Variants in NETO2 observed in about 807,000 individuals in gnomAD.
The protein encoded by NETO2 is neuropilin and tolloid-like protein 2.
NETO2 carries 28 observed loss-of-function variants against 62.5 expected under a neutral mutation model. The ratio of observed to expected loss-of-function variants is 0.45; its 90% CI spans 0.33 to 0.61. NETO2 has a LOEUF of 0.61. NETO2 is among the 20% of genes least tolerant of loss of function. The probability of loss-of-function intolerance (pLI) is 0.02; values close to 1 mark genes in which losing one functional copy is unlikely to be tolerated. For missense variants in NETO2, 548 were observed against 643.2 expected (o/e 0.85, Z 1.60); for synonymous variants, 214 against 219.1 (o/e 0.98, Z 0.21).
intron 1 of NETO2, among the ~76,000 whole-genome samples, chr16:47,135,979 C>T (rs1160642512): frequency 3.9e-5 from 6 of 151,954 alleles, no homozygotes; most frequent in Admixed American, 3.9e-4. Flanking sequence ...TAAAACAGAG[C>T]AGTAACATGT....
intron 1 of NETO2, among the ~76,000 whole-genome samples, chr16:47,140,462 C>A (rs1964439782): frequency 6.6e-6 from 1 of 152,096 alleles, no homozygotes; most frequent in Non-Finnish European, 1.5e-5. Flanking sequence ...TATCATTTTT[C>A]TATCTTTTCT....
chr16:47,133,994 C>CA lies in NETO2; in HGVS notation c.35-1970dup, dbSNP rs140698303. On this transcript the variant is annotated intron_variant, in intron 1 of 8. Coordinates refer to ENST00000562435, the MANE Select transcript of NETO2 (RefSeq NM_018092.5). Reference sequence around the variant, plus strand: ...CATGTTTGCATTACCATCTTTGAAGCAGAGTGGTAGCAGTGGAAAGGGAAA... The same window carrying CA: ...CATGTTTGCATTACCATCTTTGAAGCAAGAGTGGTAGCAGTGGAAAGGGAAA... Among the ~76,000 whole-genome samples, 1,479 of 152,156 alleles carry CA rather than the reference C, an allele frequency of 9.7e-3. 21 individuals carry two copies. The highest frequency in any genetic ancestry group is 0.034 in the African/African-American group (1,410 of 41,502).
chr16:47,128,512 A>C lies in NETO2; in HGVS notation c.294T>G (p.Phe98Leu). ...FDEHYYIEPS[F>L]ECRFDHLEVR... ...CTTCCAAGTGATCAAACCGACACTC[A>C]AATGATGGTTCTATATAATAATGTT... The change falls in exon 4 of 9, where the codon TTT becomes TTG. Residue 98 changes from phenylalanine to leucine, a missense_variant. Transcript: ENST00000562435. The C allele has an allele frequency of 6.2e-7, 1 of 1,613,986 alleles. No homozygotes were observed. The highest frequency in any genetic ancestry group is 8.5e-7 in the Non-Finnish European group (1 of 1,179,946).
chr16:47,084,666 T>C (rs903262992), intron 8 of NETO2, among the ~76,000 whole-genome samples: 30 of 152,106 alleles, frequency 2.0e-4, no homozygotes, highest in Non-Finnish European at 3.8e-4. Flanking sequence ...AAACAAAACA[T>C]ATGAAAGTCA....
At chr16:47,086,104 T>TCAAA (rs755422157) in intron 8 of NETO2, 122 bp downstream of exon 8, 23 of 713,088 alleles carry the variant, frequency 3.2e-5, no homozygotes, top group South Asian at 2.2e-4. Flanking sequence ...GGACTCCGTC[T>TCAAA]CAAACAAACA....
chr16:47,124,385 T>C (rs926761595), intron 4 of NETO2, among the ~76,000 whole-genome samples: 1 of 152,178 alleles, frequency 6.6e-6, no homozygotes, highest in African/African-American at 2.4e-5. Context: ...ATCTCAGTTA[T>C]GTCCAGGAAC....
intron 1 of NETO2, among the ~76,000 whole-genome samples, chr16:47,137,863 T>C (rs548374494): frequency 3.3e-5 from 5 of 152,304 alleles, no homozygotes; most frequent in East Asian, 3.9e-4. Flanking sequence ...TAGAAATACA[T>C]TGCTCTGTCA....
chr16:47,108,478 G>A (rs1963719165), intron 7 of NETO2, among the ~76,000 whole-genome samples: 1 of 152,214 alleles, frequency 6.6e-6, no homozygotes, highest in South Asian at 2.1e-4. Flanking sequence ...TCACTGACAT[G>A]ATGTAATTAG....
chr16:47,128,623 T>C (rs371215166), intron 3 of NETO2, 50 bp from the exon 4 acceptor site: 5 of 1,573,904 alleles, frequency 3.2e-6, no homozygotes, highest in Non-Finnish European at 3.4e-6. Flanking sequence ...AGAAAGAATA[T>C]AAATGTATTG....
At chr16:47,134,115 G>C (rs1202019783) in intron 1 of NETO2, among the ~76,000 whole-genome samples, 2 of 152,192 alleles carry the variant, frequency 1.3e-5, no homozygotes, top group Non-Finnish European at 2.9e-5. Context: ...GTCTGCTAGT[G>C]CAAGTGGTTG....
intron 6 of NETO2, among the ~76,000 whole-genome samples, chr16:47,120,710 C>A (rs750662629): frequency 6.6e-6 from 1 of 152,190 alleles, no homozygotes; most frequent in Admixed American, 6.5e-5. Flanking sequence ...CTATTGTCTT[C>A]AGGCTTCTAT....
chr16:47,114,616 A>G (rs574647843), intron 6 of NETO2, among the ~76,000 whole-genome samples: 18 of 150,836 alleles, frequency 1.2e-4, no homozygotes, highest in African/African-American at 3.9e-4. Flanking sequence ...ATGCCCAACT[A>G]ATTTTTTGTA....
rs1008563727 is a variant in NETO2 at position 47,103,239 on chromosome 16, A to G, written c.883+6244T>C. Among the ~76,000 whole-genome samples the G allele has an allele frequency of 5.3e-5, 8 of 152,182 alleles. No individual in the cohort carries two copies. The South Asian group carries it at 6.2e-4, about 12-fold the overall frequency. ...CTCACTCATAAGTGGGAGCTGAAAT[A>G]TAAGAACACGTGGGCACAGGGAGGG... On this transcript the variant is annotated intron_variant, in intron 7 of 8. Coordinates refer to ENST00000562435, the MANE Select transcript of NETO2 (RefSeq NM_018092.5).
At chr16:47,118,218 T>C (rs1226575757) in intron 6 of NETO2, among the ~76,000 whole-genome samples, 4 of 152,004 alleles carry the variant, frequency 2.6e-5, no homozygotes, top group Non-Finnish European at 5.9e-5. Context: ...GTGGTCCCAA[T>C]GTTCAAAGAC....
intron 6 of NETO2, among the ~76,000 whole-genome samples, chr16:47,120,626 T>C (rs558411984): frequency 1.3e-5 from 2 of 152,348 alleles, no homozygotes; most frequent in South Asian, 4.1e-4. Context: ...TACCCATTAA[T>C]CATCCCCACA....
chr16:47,113,736 C>A (rs1596725945), intron 6 of NETO2, among the ~76,000 whole-genome samples: 1 of 151,724 alleles, frequency 6.6e-6, no homozygotes, highest in Non-Finnish European at 1.5e-5. Context: ...GGATTACAGG[C>A]ACCTGCCACC....
intron 6 of NETO2, among the ~76,000 whole-genome samples, chr16:47,119,463 T>C (rs926939026): frequency 6.6e-6 from 1 of 152,138 alleles, no homozygotes; most frequent in Non-Finnish European, 1.5e-5. Context: ...TTTATGTCTT[T>C]TTTTTTCTAG....
intron 4 of NETO2, 79 bp from the exon 5 acceptor site, chr16:47,122,991 T>C (rs999692872): frequency 7.5e-7 from 1 of 1,341,034 alleles, no homozygotes; most frequent in South Asian, 1.3e-5. Context: ...ACATCTAACG[T>C]TCCATTTCAT....
chr16:47,091,080 G>A (rs1054720920), intron 7 of NETO2, among the ~76,000 whole-genome samples: 2 of 152,146 alleles, frequency 1.3e-5, no homozygotes, highest in Non-Finnish European at 2.9e-5. Flanking sequence ...TTACTAATTG[G>A]AGCTCTGAAA....
Sources: gnomAD v4.1 joint callset for allele counts (sites outside exome capture counted in the v4.1 genomes callset) on GRCh38, gnomAD v4.1.1 for gene constraint, MANE v1.5 for transcripts, NCBI Gene and HGNC (gene_info 2026-07-23, HGNC 2026-07-21) for gene names.